HTR2A: variants seen among roughly 807,000 people sequenced by gnomAD.
HTR2A encodes the protein 5-hydroxytryptamine receptor 2A, also known as 5-HT2 receptor.
Under a neutral mutation model 31.0 loss-of-function variants are expected in HTR2A, and 14 were observed. The ratio of observed to expected loss-of-function variants is 0.45; its 90% CI spans 0.30 to 0.71. The LOEUF (loss-of-function observed/expected upper bound fraction) is 0.71, where lower values mean the gene tolerates loss of function less well. Among genes scored for constraint, HTR2A ranks in the 30% least tolerant of loss-of-function variants. HTR2A has a pLI of 0.09. For synonymous variants in HTR2A, 209 were observed against 225.2 expected (o/e 0.93, Z 0.64); for missense variants, 442 against 573.3 (o/e 0.77, Z 2.34).
intron 3 of HTR2A, among the ~76,000 whole-genome samples, chr13:46,868,610 G>A (rs925750496): frequency 2.0e-5 from 3 of 151,958 alleles, no homozygotes; most frequent in African/African-American, 2.4e-5. Flanking sequence ...ACCTACTCAC[G>A]GGGGTATATA....
At chr13:46,890,441 C>T (rs1205704234) in intron 3 of HTR2A, among the ~76,000 whole-genome samples, 2 of 152,234 alleles carry the variant, frequency 1.3e-5, no homozygotes, top group African/African-American at 4.8e-5. Context: ...CTGCCTCTGG[C>T]TCTTTCTGGC....
chr13:46,895,233 ACT>A lies in HTR2A; in HGVS notation c.412+260_412+261del. ...AAATGTACATGTTTTGAAGCACAAAACTCTCCAATGATCATTTTTACACAGGA... is the reference window on the plus strand; with the variant it reads ...AAATGTACATGTTTTGAAGCACAAAACTCCAATGATCATTTTTACACAGGA... On this transcript the variant is annotated intron_variant, in intron 2 of 3. Transcript: ENST00000542664. The surrounding 1 kb of genome is among the most constrained non-coding windows in gnomAD (Gnocchi z 4.4). 1 of 367,984 alleles carries A rather than the reference ACT, an allele frequency of 2.7e-6. No individual in the cohort carries two copies. Among genetic ancestry groups the A allele is most frequent in the Non-Finnish European group, 4.9e-6 (1 of 204,228 alleles). 22.8% of individuals were successfully genotyped at this position (367,984 alleles called of 1,614,324 possible).
At position 46,835,578 on chromosome 13, in the gene HTR2A, C is replaced by A. The variant is rs1476954147; in HGVS notation, c.675G>T (p.Gly225=). 5 of 1,614,036 alleles carry A rather than the reference C, an allele frequency of 3.1e-6. No individual in the cohort carries two copies. The highest frequency in any genetic ancestry group is 2.2e-5 in the East Asian group (1 of 44,882). Residue 225 remains glycine (G), a synonymous_variant, in exon 4 of 4, where the codon GGG becomes GGT. Transcript: ENST00000542664. ...LQDDSKVFKE[G]SCLLADDNFV... ...AGTTATCATCGGCGAGTAAGCAACT[C>A]CCCTCCTTAAAGACCTTCGAATCGT...
At chr13:46,855,199 A>G (rs1337979389) in intron 3 of HTR2A, among the ~76,000 whole-genome samples, 1 of 152,172 alleles carries the variant, frequency 6.6e-6, no homozygotes, top group African/African-American at 2.4e-5. Context: ...GTTTAAGCCA[A>G]TAAGTTTGAG....
At chr13:46,888,567 A>G (rs1951027565) in intron 3 of HTR2A, among the ~76,000 whole-genome samples, 1 of 152,218 alleles carries the variant, frequency 6.6e-6, no homozygotes, top group African/African-American at 2.4e-5. Flanking sequence ...TAAGAAAAAC[A>G]GAACAAACGA....
intron 3 of HTR2A, among the ~76,000 whole-genome samples, chr13:46,850,761 G>A (rs7338257): frequency 0.013 from 2,052 of 152,202 alleles, 53 homozygotes; most frequent in African/African-American, 0.047. Flanking sequence ...TGCTATCTAT[G>A]GGAAGACTGG....
Position 46,886,070 on chromosome 13 carries a change from T to C in HTR2A, c.613+6320A>G, listed in dbSNP as rs138516148. On this transcript the variant is annotated intron_variant, in intron 3 of 3. Transcript: ENST00000542664. ...GCCGTATCAAACTTATATAACTGTTTATGTATATATTCTTCTTTATGGCAT... is the reference window on the plus strand; with the variant it reads ...GCCGTATCAAACTTATATAACTGTTCATGTATATATTCTTCTTTATGGCAT... 5.2e-3 allele frequency among the ~76,000 whole-genome samples: 793 copies of C among 152,366 alleles called. 6 individuals are homozygous for C. The highest frequency in any genetic ancestry group is 0.018 in the African/African-American group (759 of 41,578).
chr13:46,880,419 G>A (rs2138239175), intron 3 of HTR2A, among the ~76,000 whole-genome samples: 1 of 152,302 alleles, frequency 6.6e-6, no homozygotes, highest in East Asian at 1.9e-4. Flanking sequence ...TTATTCCTCT[G>A]CTTTAAATAG....
chr13:46,859,549 G>A (rs564139591), intron 3 of HTR2A, among the ~76,000 whole-genome samples: 7 of 152,126 alleles, frequency 4.6e-5, no homozygotes, highest in African/African-American at 1.2e-4. Context: ...GGTTTCTGAT[G>A]GTTTACCACC....
At position 46,832,782 on chromosome 13, in the gene HTR2A, A is replaced by G. The variant is rs912138689; in HGVS notation, c.*2055T>C. ...ATGCATTTCCAAATTACACAATGACACTTCCCACATTCTTTAGTTTTCAAA... is the reference window on the plus strand; with the variant it reads ...ATGCATTTCCAAATTACACAATGACGCTTCCCACATTCTTTAGTTTTCAAA... On this transcript the variant is annotated 3_prime_UTR_variant, in exon 4 of 4. Coordinates refer to ENST00000542664, the MANE Select transcript of HTR2A (RefSeq NM_000621.5). 2 of 152,182 alleles carry G rather than the reference A, an allele frequency of 1.3e-5. No individual in the cohort carries two copies. The highest frequency in any genetic ancestry group is 4.8e-5 in the African/African-American group (2 of 41,460). 9.4% of individuals were successfully genotyped at this position (152,182 alleles called of 1,614,324 possible).
intron 3 of HTR2A, among the ~76,000 whole-genome samples, chr13:46,861,381 C>T (rs1020102881): frequency 5.9e-4 from 90 of 152,166 alleles, no homozygotes; most frequent in African/African-American, 2.1e-3. Context: ...TCCTCAGAGC[C>T]ATTATTAATT....
chr13:46,838,243 A>T lies in HTR2A; in HGVS notation c.614-2604T>A, dbSNP rs565256511. Among the ~76,000 whole-genome samples, 165 of 152,334 alleles carry T rather than the reference A, an allele frequency of 1.1e-3. 1 individual carries two copies. The highest frequency in any genetic ancestry group is 3.9e-3 in the African/African-American group (162 of 41,564). ...TTGATTAGAAAGGATGCTTTGTTCA[A>T]CCATTTGAGACATCCCTGGATTTGA... On this transcript the variant is annotated intron_variant, in intron 3 of 3. Transcript: ENST00000542664.
At position 46,895,448 on chromosome 13, in the gene HTR2A, C is replaced by G. The variant is rs750591593; in HGVS notation, c.412+47G>C. 1.5e-5 allele frequency: 23 copies of G among 1,565,122 alleles called. No homozygotes were observed. Among genetic ancestry groups the G allele is most frequent in the Non-Finnish European group, 2.0e-5 (23 of 1,149,778 alleles). On this transcript the variant is annotated intron_variant, in intron 2 of 3. Coordinates refer to ENST00000542664, the MANE Select transcript of HTR2A (RefSeq NM_000621.5). This position sits in a 1 kb window ranked among gnomAD's most constrained non-coding sequence, Gnocchi z 4.4. ...CTCATCTGCTGGTGGCATGCACATG[C>G]TCTTTATTACCAGTGCGAATATAGC...
chr13:46,887,222 A>G (rs1951013281), intron 3 of HTR2A, among the ~76,000 whole-genome samples: 1 of 152,060 alleles, frequency 6.6e-6, no homozygotes, highest in Admixed American at 6.5e-5. Context: ...GATCGAGACC[A>G]TCCTGGCTAA....
intron 1 of HTR2A, 75 bp from the exon 2 acceptor site, chr13:46,896,309 T>TG (rs1342490168): frequency 1.2e-6 from 1 of 846,420 alleles, no homozygotes; most frequent in Non-Finnish European, 1.5e-6. Context: ...GTTATGCCGA[T>TG]GGTACTAGTT....
chr13:46,845,569 G>A (rs1256497165), intron 3 of HTR2A, among the ~76,000 whole-genome samples: 1 of 151,572 alleles, frequency 6.6e-6, no homozygotes, highest in Non-Finnish European at 1.5e-5. Flanking sequence ...GGAATTTGAG[G>A]GGAAGGTGGT....
chr13:46,842,424 C>T (rs1950606099), intron 3 of HTR2A, among the ~76,000 whole-genome samples: 1 of 152,116 alleles, frequency 6.6e-6, no homozygotes, highest in African/African-American at 2.4e-5. Context: ...TGTCTCATTT[C>T]AGAGACTCTG....
In HTR2A at chr13:46,832,784, T is replaced by G. The variant is rs564874009; in HGVS notation, c.*2053A>C. The G allele has an allele frequency of 6.6e-6, 1 of 152,332 alleles. No homozygotes were observed. The highest frequency in any genetic ancestry group is 1.9e-4 in the East Asian group (1 of 5,192). 9.4% of individuals were successfully genotyped at this position (152,332 alleles called of 1,614,324 possible). A position where few individuals can be genotyped will look rare whatever the true frequency, so the allele number is the denominator to read the frequency against. ...GCATTTCCAAATTACACAATGACAC[T>G]TCCCACATTCTTTAGTTTTCAAATC... On this transcript the variant is annotated 3_prime_UTR_variant, in exon 4 of 4. Coordinates refer to ENST00000542664, the MANE Select transcript of HTR2A (RefSeq NM_000621.5).
At chr13:46,875,151 G>A (rs1387395776) in intron 3 of HTR2A, among the ~76,000 whole-genome samples, 3 of 152,082 alleles carry the variant, frequency 2.0e-5, no homozygotes, top group Non-Finnish European at 2.9e-5. Flanking sequence ...ATAATATGTC[G>A]AGTGGGAATT....
Sources: allele counts gnomAD v4.1 joint callset (sites outside exome capture counted in the v4.1 genomes callset), GRCh38; gene constraint gnomAD v4.1.1; non-coding constraint Gnocchi (gnomAD v3.1); transcripts MANE v1.5; gene names NCBI Gene and HGNC (gene_info 2026-07-23, HGNC 2026-07-21).